Variants in HSPA6 observed in about 807,000 individuals in gnomAD.
HSPA6 encodes heat shock protein family A (Hsp70) member 6.
For missense variants in HSPA6, 718 were observed against 860.9 expected (o/e 0.83, Z 2.08); for synonymous variants, 312 against 368.2 (o/e 0.85, Z 1.75).
chr1:161,525,666 C>G lies in HSPA6; in HGVS notation c.1008C>G (p.Val336=). 1 of 1,613,988 alleles carries G rather than the reference C, an allele frequency of 6.2e-7. No homozygotes were observed. The highest frequency in any genetic ancestry group is 8.5e-7 in the Non-Finnish European group (1 of 1,179,938). ...TGGACAAGGCCCAGATTCATGACGT[C>G]GTCCTGGTGGGGGGCTCCACACGCA... ...AKLDKAQIHD[V]VLVGGSTRIP... is the part of the protein sequence containing the mutation. Residue 336 remains valine, a synonymous_variant, in exon 1 of 1, where the codon GTC becomes GTG. Transcript: ENST00000309758.
Position 161,524,778 on chromosome 1 carries a change from GC to G in HSPA6, c.123del (p.Ser42AlafsTer22). The part of the protein sequence containing the change: ...LANDQGNRTT[P>X]SYVAFTDTER... ...CCAACGACCAGGGCAACCGCACCAC[GC>G]CCAGCTACGTGGCCTTCACCGACAC... On this transcript the variant is annotated frameshift_variant, in exon 1 of 1. Coordinates refer to ENST00000309758, the MANE Select transcript of HSPA6 (RefSeq NM_002155.5). LOFTEE classifies it low-confidence loss of function (END_TRUNC). 6.4e-7 allele frequency: 1 copy of G among 1,565,982 alleles called. No homozygotes were observed. Among genetic ancestry groups the G allele is most frequent in the Non-Finnish European group, 8.7e-7 (1 of 1,149,568 alleles).
Sources: gnomAD v4.1 joint callset for allele counts on GRCh38, gnomAD v4.1.1 for gene constraint, MANE v1.5 for transcripts, NCBI Gene and HGNC (gene_info 2026-07-23, HGNC 2026-07-21) for gene names.